Variants in OPCML observed in about 807,000 individuals in gnomAD.
The protein encoded by OPCML is opioid-binding protein/cell adhesion molecule.
In OPCML, 13 loss-of-function variants were observed where a neutral mutation model predicts 37.8. That is an observed-to-expected ratio of 0.34 (90% confidence interval 0.22 to 0.55). The LOEUF (loss-of-function observed/expected upper bound fraction) is 0.55, where lower values mean the gene tolerates loss of function less well. Among genes scored for constraint, OPCML ranks in the 20% least tolerant of loss-of-function variants. OPCML has a pLI of 0.91. For missense variants in OPCML, 341 were observed against 435.6 expected (o/e 0.78, Z 1.93); for synonymous variants, 176 against 168.8 (o/e 1.04, Z -0.33).
At chr11:132,966,135 G>C (rs552292478) in intron 1 of OPCML, among the ~76,000 whole-genome samples, 102 of 150,778 alleles carry the variant, frequency 6.8e-4, no homozygotes, top group African/African-American at 2.5e-3. Flanking sequence ...TTATTGATTT[G>C]AAAATTTTTC....
chr11:133,393,058 T>C (rs1945206772), intron 1 of OPCML, among the ~76,000 whole-genome samples: 1 of 139,092 alleles, frequency 7.2e-6, no homozygotes, highest in South Asian at 2.3e-4. Flanking sequence ...TTTTTTTGCA[T>C]TTTTGTGGAT....
intron 1 of OPCML, among the ~76,000 whole-genome samples, chr11:133,216,461 C>T (rs767661907): frequency 1.3e-5 from 2 of 152,192 alleles, no homozygotes; most frequent in South Asian, 4.1e-4. Context: ...TGATTTCTAC[C>T]AACCCAAGAG....
At chr11:132,688,310 C>T (rs1943251100) in intron 2 of OPCML, among the ~76,000 whole-genome samples, 1 of 152,142 alleles carries the variant, frequency 6.6e-6, no homozygotes, top group African/African-American at 2.4e-5. Context: ...ATCACTCATG[C>T]TCTTTGAACC....
chr11:132,510,828 A>G (rs1195027516), intron 4 of OPCML, among the ~76,000 whole-genome samples: 1 of 152,168 alleles, frequency 6.6e-6, no homozygotes, highest in South Asian at 2.1e-4. Flanking sequence ...TAACTTCTCA[A>G]TCTGATAAAG....
At chr11:133,007,800 C>T in intron 1 of OPCML, 2 of 985,438 alleles carry the variant, frequency 2.0e-6, no homozygotes, top group Non-Finnish European at 2.4e-6. Context: ...TGTATCATAT[C>T]TCCTTGTGGC....
At chr11:132,479,193 G>A (rs528578621) in intron 4 of OPCML, among the ~76,000 whole-genome samples, 30 of 152,060 alleles carry the variant, frequency 2.0e-4, no homozygotes, top group African/African-American at 6.5e-4. Flanking sequence ...AAAAAAGGGC[G>A]AGGCATTGCC....
At chr11:132,721,738 C>T (rs1028824738) in intron 2 of OPCML, among the ~76,000 whole-genome samples, 3 of 152,094 alleles carry the variant, frequency 2.0e-5, no homozygotes, top group Middle Eastern at 3.4e-3. Flanking sequence ...GGGGTAGAAA[C>T]CGGACTGCTG....
At position 133,446,035 on chromosome 11, in the gene OPCML, AT is replaced by A. The variant is rs1591509327; in HGVS notation, c.61+86228del. Among the ~76,000 whole-genome samples, 3 of 152,310 alleles carry A rather than the reference AT, an allele frequency of 2.0e-5. No individual in the cohort carries two copies. In the East Asian group the frequency reaches 5.8e-4, roughly 29 times the overall value. On this transcript the variant is annotated intron_variant, in intron 1 of 7. Coordinates refer to ENST00000524381, the MANE Select transcript of OPCML (RefSeq NM_001012393.5). The stretch of plus-strand genomic sequence containing the variant: ...CCTACCTCCCTGGGATAGGATAAAG[AT>A]TAAAGAAATAGAGCAAAACTTTAGA...
At chr11:132,468,309 G>A (rs911792081) in intron 4 of OPCML, among the ~76,000 whole-genome samples, 3 of 152,130 alleles carry the variant, frequency 2.0e-5, no homozygotes, top group Non-Finnish European at 4.4e-5. Context: ...ATAAAAGCAT[G>A]CACACTTTCT....
At chr11:132,523,023 G>A (rs1455415374) in intron 4 of OPCML, among the ~76,000 whole-genome samples, 1 of 152,112 alleles carries the variant, frequency 6.6e-6, no homozygotes, top group Non-Finnish European at 1.5e-5. Flanking sequence ...TGCAACCTCC[G>A]CCTCCTGGGT....
intron 2 of OPCML, among the ~76,000 whole-genome samples, chr11:132,866,493 T>C (rs956531693): frequency 1.3e-5 from 2 of 152,230 alleles, no homozygotes; most frequent in South Asian, 4.1e-4. Flanking sequence ...TAGTTTTTTG[T>C]CGATTTTTGA....
Position 132,894,738 on chromosome 11 carries a change from G to A in OPCML, c.146+48188C>T, listed in dbSNP as rs967607411. Among the ~76,000 whole-genome samples the A allele has an allele frequency of 2.0e-5, 3 of 152,270 alleles. No homozygotes were observed. The East Asian group carries it at 5.8e-4, about 29-fold the overall frequency. ...CAAATAGGTTTCTTTCCTGGAGCTT[G>A]GATACACTCTTATCCTGCCCTTGGT... On this transcript the variant is annotated intron_variant, in intron 2 of 7. Transcript: ENST00000524381.
chr11:133,109,267 G>A (rs1218003609), intron 1 of OPCML, among the ~76,000 whole-genome samples: 1 of 152,070 alleles, frequency 6.6e-6, no homozygotes, highest in Admixed American at 6.5e-5. Flanking sequence ...CCCAAAGAGT[G>A]GGCAGTAGCA....
intron 1 of OPCML, among the ~76,000 whole-genome samples, chr11:133,468,828 G>A (rs2137001451): frequency 6.6e-6 from 1 of 152,226 alleles, no homozygotes; most frequent in East Asian, 1.9e-4. Context: ...AGGTGAAGAG[G>A]ATAGGTAAGC....
chr11:133,316,842 T>G (rs1189667337), intron 1 of OPCML, among the ~76,000 whole-genome samples: 1 of 152,196 alleles, frequency 6.6e-6, no homozygotes, highest in African/African-American at 2.4e-5. Context: ...AAATATATTT[T>G]CAGTGTTTAA....
chr11:133,024,792 C>T, intron 1 of OPCML: 1 of 985,140 alleles, frequency 1.0e-6, no homozygotes, highest in Non-Finnish European at 1.2e-6. Flanking sequence ...TGTAAAATGA[C>T]TCTCCCAGGA....
chr11:133,513,007 T>C (rs1431259708), intron 1 of OPCML, among the ~76,000 whole-genome samples: 28 of 152,180 alleles, frequency 1.8e-4, no homozygotes, highest in Admixed American at 1.8e-3. Context: ...CACTCTACAA[T>C]TAAAACAAAC....
rs114631705 is a variant in OPCML at position 133,336,885 on chromosome 11, T to C, written c.61+195379A>G. 9.5e-3 allele frequency among the ~76,000 whole-genome samples: 1,447 copies of C among 152,322 alleles called. 22 individuals carry two copies. Among genetic ancestry groups the C allele is most frequent in the African/African-American group, 0.033 (1,360 of 41,562 alleles). ...ATTCTCCAGAAGCTCAAGGGCAGGC[T>C]TCAAGTTAGCACAGCTATACCTGGA... On this transcript the variant is annotated intron_variant, in intron 1 of 7. Transcript: ENST00000524381.
At chr11:133,109,117 T>C (rs1238026558) in intron 1 of OPCML, among the ~76,000 whole-genome samples, 1 of 152,178 alleles carries the variant, frequency 6.6e-6, no homozygotes, top group African/African-American at 2.4e-5. Flanking sequence ...TTTCCTTCTG[T>C]GTTCTCTGGT....
Sources: gnomAD v4.1 joint callset for allele counts (sites outside exome capture counted in the v4.1 genomes callset) on GRCh38, gnomAD v4.1.1 for gene constraint, MANE v1.5 for transcripts, NCBI Gene and HGNC (gene_info 2026-07-23, HGNC 2026-07-21) for gene names.